ARAF: variants seen among roughly 807,000 people sequenced by gnomAD.
The protein encoded by ARAF is A-Raf proto-oncogene, serine/threonine kinase, also known as serine/threonine-protein kinase A-Raf.
A neutral mutation model predicts 48.0 loss-of-function variants in ARAF; 18 were observed. The ratio of observed to expected loss-of-function variants is 0.37; its 90% CI spans 0.26 to 0.56. The LOEUF (loss-of-function observed/expected upper bound fraction) is 0.56. Ranked by LOEUF, ARAF falls within the 20% of genes least tolerant of loss-of-function variation. The pLI is 0.77. For synonymous variants in ARAF, 207 were observed against 220.1 expected (o/e 0.94, Z 0.53); for missense variants, 389 against 543.1 (o/e 0.72, Z 2.82).
chrX:47,564,390 C>G (rs937423751), intron 3 of ARAF, among the ~76,000 whole-genome samples: 1 of 112,163 alleles, frequency 8.9e-6, no homozygotes, highest in African/African-American at 3.3e-5. Context: ...ATTTATTCCT[C>G]TCTCGTGGGT....
chrX:47,569,296 G>C (rs1234792279), intron 12 of ARAF, among the ~76,000 whole-genome samples: 1 of 112,044 alleles, frequency 8.9e-6, no homozygotes, highest in Non-Finnish European at 1.9e-5. Context: ...AACATCAGAG[G>C]CATAGTGGGT....
At position 47,571,003 on chromosome X, in the gene ARAF, C is replaced by T; in HGVS notation, c.1677C>T (p.Leu559=). Residue 559 remains leucine (L), a synonymous_variant, in exon 15 of 16, where the codon CTC becomes CTT. Coordinates refer to ENST00000377045, the MANE Select transcript of ARAF (RefSeq NM_001654.5). The part of the protein sequence containing the change: ...CLKFQREERP[L]FPQILATIEL... ...AGTTCCAGCGGGAGGAGCGGCCCCT[C>T]TTCCCCCAGGTGGGCTGGGTAGGGG... The T allele has an allele frequency of 8.3e-7, 1 of 1,211,184 alleles. No individual in the cohort carries two copies. Among genetic ancestry groups the T allele is most frequent in the African/African-American group, 1.7e-5 (1 of 58,020 alleles).
In ARAF at chrX:47,564,487, C is replaced by T. The variant is rs188499184; in HGVS notation, c.201-310C>T. ...GCCCCCTTTTCAGGGGCTGGCTTAGCGCTTCTAAGATGTAGTTGTTTAGTT... is the reference window on the plus strand; with the variant it reads ...GCCCCCTTTTCAGGGGCTGGCTTAGTGCTTCTAAGATGTAGTTGTTTAGTT... On this transcript the variant is annotated intron_variant, in intron 3 of 15. Coordinates refer to ENST00000377045, the MANE Select transcript of ARAF (RefSeq NM_001654.5). Among the ~76,000 whole-genome samples, 526 of 112,025 alleles carry T rather than the reference C, an allele frequency of 4.7e-3. 3 individuals carry two copies. The highest frequency in any genetic ancestry group is 0.016 in the African/African-American group (498 of 30,802).
intron 10 of ARAF, 60 bp from the exon 11 acceptor site, chrX:47,568,658 C>G: frequency 8.8e-7 from 1 of 1,133,110 alleles, no homozygotes. Flanking sequence ...TCCTGATGCT[C>G]GGTAAGTGAC....
intron 3 of ARAF, 51 bp downstream of exon 3, chrX:47,563,380 C>T (rs1365793429): frequency 2.1e-6 from 2 of 948,712 alleles, no homozygotes; most frequent in African/African-American, 1.9e-5. Context: ...CCTCCCATCC[C>T]CTCCTCAGTC....
At chrX:47,568,586 C>T in intron 10 of ARAF, 132 bp from the exon 11 acceptor site, 1 of 672,596 alleles carries the variant, frequency 1.5e-6, no homozygotes. Context: ...ATGCTTTGGT[C>T]CTGAGTGCCC....
intron 1 of ARAF, among the ~76,000 whole-genome samples, chrX:47,562,479 C>G (rs1473893383): frequency 1.2e-5 from 1 of 85,014 alleles, no homozygotes; most frequent in Non-Finnish European, 2.2e-5. Context: ...GAGCGAAACT[C>G]TGTCAGAAAA....
chrX:47,569,755 G>A, intron 13 of ARAF, 98 bp downstream of exon 13: 6 of 1,090,610 alleles, frequency 5.5e-6, no homozygotes, highest in South Asian at 2.0e-5. Context: ...TGTGCCAGAT[G>A]TGGGTGTCTG....
chrX:47,561,430 TAAC>T (rs1228031675), intron 1 of ARAF, among the ~76,000 whole-genome samples, 179 bp downstream of exon 1: 1 of 111,028 alleles, frequency 9.0e-6, no homozygotes, highest in African/African-American at 3.3e-5. Flanking sequence ...GTGGGGTGGG[TAAC>T]AGGAATAGGC....
At chrX:47,564,295 C>G (rs1053204836) in intron 3 of ARAF, among the ~76,000 whole-genome samples, 2 of 111,963 alleles carry the variant, frequency 1.8e-5, no homozygotes, top group Non-Finnish European at 3.8e-5. Context: ...TCTATTTTGT[C>G]CTTTCACGAT....
intron 10 of ARAF, among the ~76,000 whole-genome samples, chrX:47,567,684 C>T (rs2057739584): frequency 9.0e-6 from 1 of 111,416 alleles, no homozygotes; most frequent in South Asian, 3.7e-4. Context: ...TGTGGGTCTT[C>T]TCATTTGCCT....
At chrX:47,562,597 G>A (rs2057714832) in intron 1 of ARAF, among the ~76,000 whole-genome samples, 3 of 108,666 alleles carry the variant, frequency 2.8e-5, no homozygotes, top group African/African-American at 1.0e-4. Flanking sequence ...TTGGTCCCCA[G>A]CACAGAGTCT....
chrX:47,562,182 C>T (rs1167270047), intron 1 of ARAF, among the ~76,000 whole-genome samples: 1 of 110,309 alleles, frequency 9.1e-6, no homozygotes, highest in Non-Finnish European at 1.9e-5. Flanking sequence ...GCCTGCGACT[C>T]CTCCCTCACC....
At chrX:47,570,240 G>A in intron 14 of ARAF, 1 of 402,967 alleles carries the variant, frequency 2.5e-6, no homozygotes, top group Non-Finnish European at 4.2e-6. Context: ...CACATCCACA[G>A]CCCTCTGGGA....
Position 47,564,845 on chromosome X carries a change from C to T in ARAF, c.249C>T (p.Gly83=), listed in dbSNP as rs62636601. The T allele has an allele frequency of 2.4e-5, 29 of 1,208,035 alleles. No homozygotes were observed. Among genetic ancestry groups the T allele is most frequent in the East Asian group, 2.4e-4 (8 of 33,712 alleles). The part of the protein sequence containing the change: ...AWDTAIAPLD[G]EELIVEVLED... ...ACACAGCCATTGCTCCCCTGGATGG[C>T]GAGGAGCTCATTGTCGAGGTCCTTG... The change falls in exon 4 of 16, where the codon GGC becomes GGT. Residue 83 remains glycine, a synonymous_variant. Coordinates refer to ENST00000377045, the MANE Select transcript of ARAF (RefSeq NM_001654.5).
At chrX:47,563,920 G>C (rs758061618) in intron 3 of ARAF, among the ~76,000 whole-genome samples, 22 of 112,021 alleles carry the variant, frequency 2.0e-4, no homozygotes, top group Admixed American at 1.1e-3. Context: ...AACTGAGCAG[G>C]CTACTAAGTG....
At position 47,571,766 on chromosome X, in the gene ARAF, TG is replaced by T; in HGVS notation, c.*311del. The T allele has an allele frequency of 1.1e-5, 3 of 276,365 alleles. No homozygotes were observed. The Admixed American group carries it at 1.9e-4, about 17-fold the overall frequency. The allele number at this position is 276,365 out of a possible 1,213,427, so 22.8% of individuals were successfully genotyped here. A position where few individuals can be genotyped will look rare whatever the true frequency, so the allele number is the denominator to read the frequency against. On this transcript the variant is annotated 3_prime_UTR_variant, in exon 16 of 16. Coordinates refer to ENST00000377045, the MANE Select transcript of ARAF (RefSeq NM_001654.5). ...GCAGGGATTCCACTCAGAACCTCTCTGGAATTTGTGCCTGATGTGCCTTCCA... is the reference window on the plus strand; with the variant it reads ...GCAGGGATTCCACTCAGAACCTCTCTGAATTTGTGCCTGATGTGCCTTCCA...
intron 14 of ARAF, 52 bp from the exon 15 acceptor site, chrX:47,570,826 C>T (rs2057752629): frequency 8.6e-7 from 1 of 1,158,327 alleles, no homozygotes; most frequent in Non-Finnish European, 1.2e-6. Context: ...TTCCTTGGGC[C>T]TCCCAGCCCC....
chrX:47,567,500 A>G (rs1263860672), intron 10 of ARAF, 68 bp downstream of exon 10: 2 of 1,073,601 alleles, frequency 1.9e-6, no homozygotes, highest in Admixed American at 2.6e-5. Context: ...GGAAAAGGCC[A>G]TGCTTGGAGT....
Sources: allele counts gnomAD v4.1 joint callset (sites outside exome capture counted in the v4.1 genomes callset), GRCh38; gene constraint gnomAD v4.1.1; transcripts MANE v1.5; gene names NCBI Gene and HGNC (gene_info 2026-07-23, HGNC 2026-07-21).